The following NSDHL variants were observed in gnomAD, a reference collection of about 807,000 sequenced individuals.
NSDHL encodes the protein NAD(P) dependent 3-beta-hydroxysteroid dehydrogenase NSDHL.
A neutral mutation model predicts 23.0 loss-of-function variants in NSDHL; 1 was observed. The ratio of observed to expected loss-of-function variants is 0.04; its 90% CI spans 0.02 to 0.21. The LOEUF (loss-of-function observed/expected upper bound fraction) is 0.21. NSDHL is among the 10% of genes least tolerant of loss of function. NSDHL has a pLI of 1.00. For missense variants in NSDHL, 237 were observed against 300.9 expected, an observed-to-expected ratio of 0.79 and a Z score of 1.57; for synonymous variants, 128 against 121.1, an observed-to-expected ratio of 1.06 and a Z score of -0.37.
chrX:152,859,350 A>T (rs1556847303), intron 4 of NSDHL, among the ~76,000 whole-genome samples: 1 of 110,731 alleles, frequency 9.0e-6, no homozygotes, highest in Non-Finnish European at 1.9e-5. Flanking sequence ...CCTAATAAAA[A>T]CTCTATACCC....
chrX:152,832,075 A>C (rs963613221), intron 1 of NSDHL, among the ~76,000 whole-genome samples: 21 of 108,512 alleles, frequency 1.9e-4, no homozygotes, highest in African/African-American at 6.1e-4. Context: ...TCGCTCCACA[A>C]CTCTTCTCTC....
At chrX:152,865,536 C>A (rs1299252483) in intron 5 of NSDHL, among the ~76,000 whole-genome samples, 1 of 113,014 alleles carries the variant, frequency 8.8e-6, no homozygotes, top group Non-Finnish European at 1.9e-5. Context: ...TGAACGCAAA[C>A]CAGGGCCTTC....
At chrX:152,853,178 G>A (rs1556846536) in intron 3 of NSDHL, among the ~76,000 whole-genome samples, 1 of 103,309 alleles carries the variant, frequency 9.7e-6, no homozygotes, top group East Asian at 3.1e-4. Flanking sequence ...TATGCCTGCT[G>A]GACATCCCTG....
At chrX:152,852,568 G>A (rs1428419585) in intron 3 of NSDHL, among the ~76,000 whole-genome samples, 1 of 111,254 alleles carries the variant, frequency 9.0e-6, no homozygotes, top group Non-Finnish European at 1.9e-5. Flanking sequence ...CCTGGCCCAG[G>A]TGGCAAATAA....
rs781850315 is a variant in NSDHL, at chrX:152,858,762, T to C, written c.268-8T>C. On this transcript the variant is annotated splice_region_variant and splice_polypyrimidine_tract_variant and intron_variant, in intron 3 of 7. Transcript: ENST00000370274. ...GAATGATTATTTTGTCTTTCTTTGCTTTTCCAGGATCTGTACCCAGCTCTG... is the reference window on the plus strand; with the variant it reads ...GAATGATTATTTTGTCTTTCTTTGCCTTTCCAGGATCTGTACCCAGCTCTG... 1.7e-6 allele frequency: 2 copies of C among 1,210,071 alleles called. No homozygotes were observed. Among genetic ancestry groups the C allele is most frequent in the East Asian group, 3.0e-5 (1 of 33,864 alleles).
At chrX:152,837,092 TG>T (rs1325321628) in intron 1 of NSDHL, among the ~76,000 whole-genome samples, 1 of 112,148 alleles carries the variant, frequency 8.9e-6, no homozygotes, top group African/African-American at 3.2e-5. Flanking sequence ...ACTCATGATT[TG>T]GCTCTCTGTT....
At chrX:152,858,222 T>C (rs1933472885) in intron 3 of NSDHL, among the ~76,000 whole-genome samples, 1 of 111,792 alleles carries the variant, frequency 8.9e-6, no homozygotes, top group South Asian at 3.7e-4. Flanking sequence ...GTGTGCCTGG[T>C]TCCTCTTGTG....
rs782146942 is a variant in NSDHL at position 152,858,862 on chromosome X, G to A, written c.360G>A (p.Val120=). The part of the protein sequence containing the change: ...SSNNKELFYR[V]NYIGTKNVIE... ...ACAACAAGGAGCTCTTTTATAGAGT[G>A]AATTACATTGGCACCAAGAATGTCA... The change falls in exon 4 of 8, where the codon GTG becomes GTA. Residue 120 remains valine, a synonymous_variant. Coordinates refer to ENST00000370274, the MANE Select transcript of NSDHL (RefSeq NM_015922.3). 8.3e-7 allele frequency: 1 copy of A among 1,203,539 alleles called. No homozygotes were observed. Among genetic ancestry groups the A allele is most frequent in the East Asian group, 3.0e-5 (1 of 33,745 alleles).
At chrX:152,856,226 C>T in intron 3 of NSDHL, among the ~76,000 whole-genome samples, 1 of 112,096 alleles carries the variant, frequency 8.9e-6, no homozygotes, top group East Asian at 2.8e-4. Context: ...AACTATTGGG[C>T]ACTTAAAATG....
rs377329102 is a variant in NSDHL at position 152,846,303 on chromosome X, C to T, written c.-22C>T. ...TAAGAAAAGAAAAGTTGATTACAAA[C>T]GGGACCATATTTTGCTTCGAAATGG... is the stretch of plus-strand genomic sequence containing the variant. On this transcript the variant is annotated 5_prime_UTR_variant, in exon 2 of 8. In the 5' UTR this introduces an upstream ATG that the reference lacks. Coordinates refer to ENST00000370274, the MANE Select transcript of NSDHL (RefSeq NM_015922.3). 5.4e-6 allele frequency: 6 copies of T among 1,111,138 alleles called. No homozygotes were observed. Among genetic ancestry groups the T allele is most frequent in the South Asian group, 3.7e-5 (2 of 54,774 alleles). The allele number at this position is 1,111,138 out of a possible 1,213,427, so 91.6% of individuals were successfully genotyped here.
chrX:152,845,409 G>A (rs782438329), intron 1 of NSDHL, among the ~76,000 whole-genome samples: 1 of 111,561 alleles, frequency 9.0e-6, no homozygotes, highest in South Asian at 3.8e-4. Context: ...GATGTTAGGG[G>A]AGCCATGACT....
rs1383041238 is a variant in NSDHL at position 152,869,665 on chromosome X, G to A, written c.*549G>A. The stretch of plus-strand genomic sequence containing the variant: ...GCAAAAGCTGAAAGCTGAAATGACT[G>A]TAATTCCTCCCCAGTCTCTGTTGCT... On this transcript the variant is annotated 3_prime_UTR_variant, in exon 8 of 8. Coordinates refer to ENST00000370274, the MANE Select transcript of NSDHL (RefSeq NM_015922.3). The A allele has an allele frequency of 2.3e-5, 3 of 128,603 alleles. No homozygotes were observed. Among genetic ancestry groups the A allele is most frequent in the Non-Finnish European group, 4.9e-5 (3 of 61,850 alleles). The allele number at this position is 128,603 out of a possible 1,213,427, so 10.6% of individuals were successfully genotyped here.
chrX:152,838,031 G>T (rs1418508706), intron 1 of NSDHL, among the ~76,000 whole-genome samples: 1 of 111,808 alleles, frequency 8.9e-6, no homozygotes, highest in Non-Finnish European at 1.9e-5. Context: ...TTGGGAGGAT[G>T]TGTGTGTCCA....
intron 7 of NSDHL, among the ~76,000 whole-genome samples, chrX:152,867,988 G>T (rs1020186227): frequency 7.3e-4 from 81 of 110,797 alleles, no homozygotes; most frequent in African/African-American, 2.6e-3. Flanking sequence ...CGTAGATTGG[G>T]CAGGGTGCTT....
intron 1 of NSDHL, among the ~76,000 whole-genome samples, 194 bp from the exon 2 acceptor site, chrX:152,846,088 C>T (rs782057528): frequency 4.4e-4 from 50 of 113,045 alleles, no homozygotes; most frequent in Non-Finnish European, 8.1e-4. Context: ...TCGTTGGCCC[C>T]GTTAGCCGGG....
chrX:152,842,874 C>T (rs1602926986), intron 1 of NSDHL, among the ~76,000 whole-genome samples: 1 of 111,859 alleles, frequency 8.9e-6, no homozygotes, highest in East Asian at 2.8e-4. Context: ...TCTATTCAGT[C>T]AGAGCTATTC....
intron 1 of NSDHL, among the ~76,000 whole-genome samples, chrX:152,842,039 G>T (rs1206296975): frequency 8.9e-6 from 1 of 112,391 alleles, no homozygotes; most frequent in African/African-American, 3.2e-5. Flanking sequence ...GCATGTCTCA[G>T]AACTTCATTC....
intron 4 of NSDHL, 23 bp from the exon 5 acceptor site, chrX:152,862,573 T>G: frequency 8.3e-7 from 1 of 1,201,362 alleles, no homozygotes. Context: ...TGACTTTTAT[T>G]TTTTCTGACC....
At chrX:152,841,105 T>C (rs1197940037) in intron 1 of NSDHL, among the ~76,000 whole-genome samples, 3 of 112,962 alleles carry the variant, frequency 2.7e-5, no homozygotes, top group Non-Finnish European at 3.8e-5. Context: ...CATGGGACCC[T>C]CCGAGCCAGG....
Sources: gnomAD v4.1 joint callset for allele counts (sites outside exome capture counted in the v4.1 genomes callset) on GRCh38, gnomAD v4.1.1 for gene constraint, MANE v1.5 for transcripts, NCBI Gene and HGNC (gene_info 2026-07-23, HGNC 2026-07-21) for gene names.